The following TRMT11 variants were observed in gnomAD, a reference collection of about 807,000 sequenced individuals.
TRMT11 encodes tRNA (guanine(10)-N(2))-methyltransferase TRMT11.
A neutral mutation model predicts 62.8 loss-of-function variants in TRMT11; 53 were observed. The ratio of observed to expected loss-of-function variants is 0.84; its 90% CI spans 0.68 to 1.06. TRMT11 has a LOEUF of 1.06. Ranked by LOEUF, TRMT11 falls within the 50% of genes least tolerant of loss-of-function variation. The pLI is 0.00. For missense variants in TRMT11, 556 were observed against 553.4 expected (o/e 1.00, Z -0.05); for synonymous variants, 188 against 190.3 (o/e 0.99, Z 0.10).
chr6:126,249,541 G>A, the TRMT11 span, among the ~76,000 whole-genome samples: 3 of 152,118 alleles, frequency 2.0e-5, no homozygotes, highest in African/African-American at 7.2e-5. Context: ...GAAGACAAGT[G>A]TTATAAAATT....
intron 17 of TRMT11, among the ~76,000 whole-genome samples, chr6:126,106,720 G>A (rs965075164): frequency 2.0e-5 from 3 of 152,146 alleles, no homozygotes; most frequent in African/African-American, 7.2e-5. Flanking sequence ...TCTTAGGGTA[G>A]AAGTGAGGAC....
chr6:126,247,768 C>A, the TRMT11 span, among the ~76,000 whole-genome samples: 1 of 151,390 alleles, frequency 6.6e-6, no homozygotes, highest in Non-Finnish European at 1.5e-5. Context: ...GAAGATCCGT[C>A]GGGGAAAGCT....
At chr6:126,069,497 G>T (rs1236218483) in intron 17 of TRMT11, among the ~76,000 whole-genome samples, 1 of 151,114 alleles carries the variant, frequency 6.6e-6, no homozygotes, top group Non-Finnish European at 1.5e-5. Flanking sequence ...ATTTTTTAAT[G>T]AAGTCAACTT....
rs1015947693 is a variant in TRMT11 at position 126,011,470 on chromosome 6, T to G, written c.925+53T>G. 4.0e-6 allele frequency: 6 copies of G among 1,506,880 alleles called. No homozygotes were observed. In the African/African-American group the frequency reaches 7.0e-5, roughly 17 times the overall value. The allele number at this position is 1,506,880 out of a possible 1,614,324, so 93.3% of individuals were successfully genotyped here. ...AGTAGGATTCGTTTTGTAAAATCAT[T>G]TACATTTAAAGTACAAAATTTACCA... On this transcript the variant is annotated intron_variant, in intron 9 of 12. Transcript: ENST00000334379.
the TRMT11 span, among the ~76,000 whole-genome samples, chr6:126,265,944 C>T: frequency 2.0e-5 from 3 of 152,176 alleles, no homozygotes; most frequent in South Asian, 4.1e-4. Flanking sequence ...GGTGATCTCT[C>T]ATCCATGTTC....
At chr6:126,064,627 C>G (rs1043150200) in intron 17 of TRMT11, among the ~76,000 whole-genome samples, 1 of 151,246 alleles carries the variant, frequency 6.6e-6, no homozygotes, top group Non-Finnish European at 1.5e-5. Flanking sequence ...ATAACCATGA[C>G]AATTTATGGC....
intron 12 of TRMT11, among the ~76,000 whole-genome samples, chr6:126,029,914 T>C (rs1773883242): frequency 1.3e-5 from 2 of 152,180 alleles, no homozygotes; most frequent in Non-Finnish European, 1.5e-5. Flanking sequence ...AGAAATTACA[T>C]GTTGAGTGCC....
chr6:126,251,973 G>C, the TRMT11 span, among the ~76,000 whole-genome samples: 1 of 152,114 alleles, frequency 6.6e-6, no homozygotes, highest in Admixed American at 6.5e-5. Context: ...GCCACATTAG[G>C]CTTTCGATAA....
intron 17 of TRMT11, among the ~76,000 whole-genome samples, chr6:126,081,671 A>G (rs902713227): frequency 6.6e-6 from 1 of 152,146 alleles, no homozygotes; most frequent in African/African-American, 2.4e-5. Flanking sequence ...TGGAGGTCAC[A>G]TATACTACAT....
chr6:126,070,736 A>G (rs1290496967), intron 17 of TRMT11, among the ~76,000 whole-genome samples: 1 of 152,250 alleles, frequency 6.6e-6, no homozygotes, highest in Admixed American at 6.5e-5. Flanking sequence ...GCATTTACTG[A>G]AACAATGTGC....
Position 126,145,647 on chromosome 6 carries a change from G to A in TRMT11, c.*1824-29178G>A, listed in dbSNP as rs185075329. ...GAGAAGGTCAGTAACGACTTCCATG[G>A]TCAGCACCCTAGTCGTTTTCAGCAG... On this transcript the variant is annotated intron_variant and NMD_transcript_variant, in intron 21 of 22. Coordinates refer to the TRMT11 transcript ENST00000648977. 2.4e-4 allele frequency among the ~76,000 whole-genome samples: 36 copies of A among 152,194 alleles called. 1 individual carries two copies. In the East Asian group the frequency reaches 6.2e-3, roughly 26 times the overall value.
chr6:126,260,521 G>T, the TRMT11 span, among the ~76,000 whole-genome samples: 1 of 152,216 alleles, frequency 6.6e-6, no homozygotes, highest in South Asian at 2.1e-4. Context: ...TGCTACTGGT[G>T]AGCTTTATAC....
intron 12 of TRMT11, among the ~76,000 whole-genome samples, chr6:126,035,310 C>T (rs1049380443): frequency 2.0e-5 from 3 of 152,080 alleles, no homozygotes; most frequent in Admixed American, 6.6e-5. Context: ...ATGTCTTACT[C>T]GAAGCAGGAC....
intron 17 of TRMT11, among the ~76,000 whole-genome samples, chr6:126,057,072 G>A (rs1218531244): frequency 6.6e-6 from 1 of 152,176 alleles, no homozygotes; most frequent in African/African-American, 2.4e-5. Flanking sequence ...CCTTTTTTAA[G>A]TGACAATTAT....
At chr6:126,239,608 CAA>C in the TRMT11 span, among the ~76,000 whole-genome samples, 1 of 152,146 alleles carries the variant, frequency 6.6e-6, no homozygotes, top group Non-Finnish European at 1.5e-5. Flanking sequence ...CCTTTGTGGG[CAA>C]CCTGACCTTT....
the TRMT11 span, among the ~76,000 whole-genome samples, chr6:126,259,099 C>T: frequency 1.3e-5 from 2 of 152,160 alleles, no homozygotes; most frequent in Non-Finnish European, 2.9e-5. Context: ...TTCTGTGTTA[C>T]TTTACTAAGG....
chr6:126,023,571 C>T (rs181412666), intron 12 of TRMT11, among the ~76,000 whole-genome samples: 5 of 151,772 alleles, frequency 3.3e-5, no homozygotes, highest in East Asian at 2.0e-4. Context: ...TCACTTGAAC[C>T]GGGGAGGTGG....
chr6:125,987,036 A>G (rs1562225284), intron 1 of TRMT11: 1 of 184,026 alleles, frequency 5.4e-6, no homozygotes, highest in Non-Finnish European at 1.1e-5. Context: ...AGAAGTTGAG[A>G]AGAGTGTTTT....
intron 21 of TRMT11, among the ~76,000 whole-genome samples, chr6:126,153,896 A>G (rs548516094): frequency 5.9e-5 from 9 of 152,220 alleles, no homozygotes; most frequent in South Asian, 2.1e-4. Flanking sequence ...AAAAGATCCA[A>G]TGTGCAGCCA....
Sources: allele counts gnomAD v4.1 joint callset (sites outside exome capture counted in the v4.1 genomes callset), GRCh38; gene constraint gnomAD v4.1.1; transcripts MANE v1.5; gene names NCBI Gene and HGNC (gene_info 2026-07-23, HGNC 2026-07-21).